The following RORA variants were observed in gnomAD, a reference collection of about 807,000 sequenced individuals.
RORA encodes nuclear receptor ROR-alpha.
In RORA, 7 loss-of-function variants were observed where a neutral mutation model predicts 69.5. The observed-to-expected ratio is 0.10, with a 90% CI of 0.06 to 0.19. The LOEUF (loss-of-function observed/expected upper bound fraction) is 0.19, where lower values mean the gene tolerates loss of function less well. Ranked by LOEUF, RORA falls within the 10% of genes least tolerant of loss-of-function variation. The pLI is 1.00. For synonymous variants in RORA, 261 were observed against 240.8 expected (o/e 1.08, Z -0.78); for missense variants, 457 against 663.0 (o/e 0.69, Z 3.41).
intron 1 of RORA, among the ~76,000 whole-genome samples, chr15:60,708,499 G>C (rs574024154): frequency 6.6e-6 from 1 of 152,114 alleles, no homozygotes; most frequent in Non-Finnish European, 1.5e-5. Context: ...TAGAAGTTGA[G>C]TTCTTTGTCA....
At chr15:60,504,536 A>G (rs1334799008) in intron 6 of RORA, among the ~76,000 whole-genome samples, 1 of 152,210 alleles carries the variant, frequency 6.6e-6, no homozygotes, top group Non-Finnish European at 1.5e-5. Flanking sequence ...CGACAGAGTG[A>G]GACTGTCTCA....
intron 1 of RORA, among the ~76,000 whole-genome samples, chr15:60,863,131 G>A (rs1003314315): frequency 6.6e-6 from 1 of 152,148 alleles, no homozygotes; most frequent in Non-Finnish European, 1.5e-5. Context: ...TAGGAATACT[G>A]GAATATTAGG....
At chr15:61,167,091 G>T (rs2079544909) in intron 1 of RORA, among the ~76,000 whole-genome samples, 1 of 152,130 alleles carries the variant, frequency 6.6e-6, no homozygotes, top group South Asian at 2.1e-4. Context: ...ATGCTTCTCT[G>T]TTCAAAATCC....
intron 3 of RORA, chr15:60,520,034 G>A (rs2066110769): frequency 6.6e-6 from 1 of 152,106 alleles, no homozygotes; most frequent in Non-Finnish European, 1.5e-5. Flanking sequence ...CCCTTATTTG[G>A]AAGTCTCAGT....
chr15:60,897,802 T>A (rs1891269676), intron 1 of RORA, among the ~76,000 whole-genome samples: 1 of 152,232 alleles, frequency 6.6e-6, no homozygotes, highest in Admixed American at 6.5e-5. Flanking sequence ...GAGCTAAGTC[T>A]CAGCCATGAT....
At chr15:61,148,769 A>C (rs2079373021) in intron 1 of RORA, among the ~76,000 whole-genome samples, 1 of 152,218 alleles carries the variant, frequency 6.6e-6, no homozygotes, top group African/African-American at 2.4e-5. Flanking sequence ...AGTTAATTTA[A>C]AATTAGATTA....
intron 1 of RORA, among the ~76,000 whole-genome samples, chr15:60,807,325 A>G (rs1259365729): frequency 6.6e-6 from 1 of 152,122 alleles, no homozygotes; most frequent in Non-Finnish European, 1.5e-5. Context: ...GCTGCAAACA[A>G]AACAAAACAA....
chr15:60,936,465 C>T (rs1031165884), intron 1 of RORA, among the ~76,000 whole-genome samples: 5 of 152,238 alleles, frequency 3.3e-5, no homozygotes, highest in African/African-American at 1.2e-4. Context: ...CCTGTCACAC[C>T]TTCAGCCTCT....
intron 1 of RORA, among the ~76,000 whole-genome samples, chr15:60,758,148 T>C (rs1413946343): frequency 6.6e-6 from 1 of 152,194 alleles, no homozygotes; most frequent in Non-Finnish European, 1.5e-5. Context: ...TCAAACAGCC[T>C]TCTGGACACT....
chr15:60,504,290 T>C (rs1202566500), intron 6 of RORA, among the ~76,000 whole-genome samples: 2 of 150,726 alleles, frequency 1.3e-5, no homozygotes, highest in Non-Finnish European at 3.0e-5. Flanking sequence ...TTCACGCCTG[T>C]AAACCCAGCA....
At chr15:61,102,739 C>T (rs1034135346) in intron 1 of RORA, among the ~76,000 whole-genome samples, 1 of 152,196 alleles carries the variant, frequency 6.6e-6, no homozygotes, top group East Asian at 1.9e-4. Flanking sequence ...CTGAAGCATG[C>T]ACCTAGTTTT....
At chr15:61,028,090 C>G (rs1022711030) in intron 1 of RORA, among the ~76,000 whole-genome samples, 1 of 152,292 alleles carries the variant, frequency 6.6e-6, no homozygotes, top group Non-Finnish European at 1.5e-5. Flanking sequence ...GAATCCCATT[C>G]CTCTTCACAT....
intron 1 of RORA, among the ~76,000 whole-genome samples, chr15:60,977,240 AG>A (rs952656149): frequency 2.0e-5 from 3 of 151,886 alleles, no homozygotes; most frequent in Admixed American, 6.6e-5. Context: ...ACTGGTGGGG[AG>A]GGGGTCGTAA....
rs181215422 is a variant in RORA at position 60,889,894 on chromosome 15, C to T, written c.167-211208G>A. Among the ~76,000 whole-genome samples the T allele has an allele frequency of 6.6e-3, 1,001 of 152,108 alleles. 19 individuals carry two copies. Among genetic ancestry groups the T allele is most frequent in the Non-Finnish European group, 7.1e-3 (483 of 67,990 alleles). ...GACAACTCTTTTGGATGGCAACGGA[C>T]GTAAAAATAACTTAAAAATATAAAA... On this transcript the variant is annotated intron_variant, in intron 1 of 10. Coordinates refer to ENST00000335670, the MANE Select transcript of RORA (RefSeq NM_134261.3).
chr15:60,540,818 T>G (rs964879245), intron 2 of RORA, among the ~76,000 whole-genome samples: 2 of 152,122 alleles, frequency 1.3e-5, no homozygotes, highest in Non-Finnish European at 1.5e-5. Context: ...ACTTAGAACA[T>G]TAAACCTTGA....
In RORA at chr15:60,500,018, A is replaced by G. The variant is rs2065280615; in HGVS notation, c.1295-14T>C. 1 of 1,529,834 alleles carries G rather than the reference A, an allele frequency of 6.5e-7. No individual in the cohort carries two copies. Among genetic ancestry groups the G allele is most frequent in the Non-Finnish European group, 9.0e-7 (1 of 1,107,666 alleles). 94.8% of individuals were successfully genotyped at this position (1,529,834 alleles called of 1,614,324 possible). ...GCCATGAGCGATCTAAGCATAAAAAAATGATATTCTTTAGCATTCCTCTGA... is the reference window on the plus strand; with the variant it reads ...GCCATGAGCGATCTAAGCATAAAAAGATGATATTCTTTAGCATTCCTCTGA... On this transcript the variant is annotated splice_polypyrimidine_tract_variant and intron_variant, in intron 9 of 10. Coordinates refer to ENST00000335670, the MANE Select transcript of RORA (RefSeq NM_134261.3).
chr15:61,126,156 TAG>T (rs895303812), intron 1 of RORA, among the ~76,000 whole-genome samples: 1 of 152,188 alleles, frequency 6.6e-6, no homozygotes, highest in African/African-American at 2.4e-5. Flanking sequence ...CAGCCAGACA[TAG>T]AGTCTCCACA....
At chr15:60,717,517 T>G (rs1256858162) in intron 1 of RORA, among the ~76,000 whole-genome samples, 1 of 152,222 alleles carries the variant, frequency 6.6e-6, no homozygotes, top group South Asian at 2.1e-4. Flanking sequence ...CACTGGCAGT[T>G]AGAAGGCAAG....
At chr15:60,971,582 C>A (rs1893715562) in intron 1 of RORA, among the ~76,000 whole-genome samples, 1 of 152,164 alleles carries the variant, frequency 6.6e-6, no homozygotes, top group Non-Finnish European at 1.5e-5. Flanking sequence ...CATTGCAATC[C>A]TTAAATATTT....
Sources: allele counts gnomAD v4.1 joint callset (sites outside exome capture counted in the v4.1 genomes callset), GRCh38; gene constraint gnomAD v4.1.1; transcripts MANE v1.5; gene names NCBI Gene and HGNC (gene_info 2026-07-23, HGNC 2026-07-21).